Variants in PTPRK observed in about 807,000 individuals in gnomAD.
PTPRK encodes receptor-type tyrosine-protein phosphatase kappa.
PTPRK carries 75 observed loss-of-function variants against 178.0 expected under a neutral mutation model. The observed-to-expected ratio is 0.42, with a 90% CI of 0.35 to 0.51. The LOEUF is 0.51. Among genes scored for constraint, PTPRK ranks in the 20% least tolerant of loss-of-function variants. The probability of loss-of-function intolerance (pLI) is 0.02; values close to 1 mark genes in which losing one functional copy is unlikely to be tolerated. For synonymous variants in PTPRK, 637 were observed against 620.6 expected (o/e 1.03, Z -0.39); for missense variants, 1,441 against 1,797.8 (o/e 0.80, Z 3.59).
intron 7 of PTPRK, among the ~76,000 whole-genome samples, chr6:128,103,754 T>A (rs1334796024): frequency 1.3e-5 from 2 of 152,200 alleles, no homozygotes; most frequent in African/African-American, 4.8e-5. Context: ...TTTTAGCCAT[T>A]ATCACCTGGG....
chr6:128,047,251 T>A (rs936091119), intron 13 of PTPRK, among the ~76,000 whole-genome samples: 12 of 152,308 alleles, frequency 7.9e-5, no homozygotes, highest in African/African-American at 2.9e-4. Context: ...AGCACTGAAG[T>A]CAAAGATTTT....
intron 18 of PTPRK, 88 bp from the exon 19 acceptor site, chr6:127,992,797 G>T: frequency 1.9e-6 from 2 of 1,061,186 alleles, no homozygotes; most frequent in South Asian, 1.5e-5. Flanking sequence ...ACAACCACCT[G>T]TTAAGATTAA....
chr6:128,183,542 T>C (rs1390959748), intron 7 of PTPRK, among the ~76,000 whole-genome samples: 2 of 152,184 alleles, frequency 1.3e-5, no homozygotes, highest in African/African-American at 4.8e-5. Flanking sequence ...CTAAAAAATA[T>C]GTTCTACGAT....
chr6:128,162,333 G>A (rs1798821074), intron 7 of PTPRK, among the ~76,000 whole-genome samples: 1 of 151,216 alleles, frequency 6.6e-6, no homozygotes, highest in South Asian at 2.1e-4. Context: ...ATCTTGTTTT[G>A]TCCTCTGTGT....
intron 3 of PTPRK, among the ~76,000 whole-genome samples, chr6:128,251,044 T>A (rs1816379594): frequency 6.6e-6 from 1 of 152,188 alleles, no homozygotes; most frequent in African/African-American, 2.4e-5. Flanking sequence ...AGTCCACTTC[T>A]AAGAGTCTAA....
intron 13 of PTPRK, among the ~76,000 whole-genome samples, chr6:128,042,188 C>T (rs991122826): frequency 3.0e-4 from 45 of 152,120 alleles, no homozygotes; most frequent in African/African-American, 1.1e-3. Flanking sequence ...CAAGCTTCTG[C>T]CCACTGTCCG....
At chr6:128,030,531 T>C (rs906562325) in intron 13 of PTPRK, among the ~76,000 whole-genome samples, 3 of 152,178 alleles carry the variant, frequency 2.0e-5, no homozygotes, top group African/African-American at 7.2e-5. Context: ...TCCTGTAAGA[T>C]ATGGATATTT....
intron 9 of PTPRK, among the ~76,000 whole-genome samples, chr6:128,083,414 AT>A (rs1785168648): frequency 6.6e-6 from 1 of 152,034 alleles, no homozygotes; most frequent in African/African-American, 2.4e-5. Context: ...GTTTTTTAAT[AT>A]GTGATTATTA....
At chr6:128,487,102 C>A (rs867690696) in intron 1 of PTPRK, among the ~76,000 whole-genome samples, 2 of 147,236 alleles carry the variant, frequency 1.4e-5, no homozygotes, top group Non-Finnish European at 3.0e-5. Context: ...GTTCCTCTCC[C>A]TAATTCTCTT....
At chr6:128,517,468 A>G (rs1585049356) in intron 1 of PTPRK, among the ~76,000 whole-genome samples, 1 of 152,204 alleles carries the variant, frequency 6.6e-6, no homozygotes, top group African/African-American at 2.4e-5. Flanking sequence ...TTATTCTTCT[A>G]TGCCTCGGTT....
At chr6:128,437,078 A>C (rs889528425) in intron 1 of PTPRK, among the ~76,000 whole-genome samples, 1 of 152,154 alleles carries the variant, frequency 6.6e-6, no homozygotes, top group African/African-American at 2.4e-5. Context: ...GAAAAAGTCA[A>C]ATCTGCTGGG....
intron 7 of PTPRK, among the ~76,000 whole-genome samples, chr6:128,177,208 T>C (rs936668875): frequency 6.6e-6 from 1 of 151,766 alleles, no homozygotes; most frequent in Non-Finnish European, 1.5e-5. Context: ...TCTATATCTT[T>C]AAAATTCTAT....
intron 13 of PTPRK, among the ~76,000 whole-genome samples, chr6:128,016,487 C>A (rs1779608059): frequency 6.6e-6 from 1 of 151,846 alleles, no homozygotes; most frequent in African/African-American, 2.4e-5. Context: ...AAGGGAAGGT[C>A]AGAGAGATCT....
At chr6:128,381,398 A>T (rs1837896224) in intron 2 of PTPRK, among the ~76,000 whole-genome samples, 1 of 152,204 alleles carries the variant, frequency 6.6e-6, no homozygotes, top group Non-Finnish European at 1.5e-5. Context: ...GCAATTATAT[A>T]ACAAAGGTGA....
intron 3 of PTPRK, among the ~76,000 whole-genome samples, chr6:128,296,349 A>T (rs1037645903): frequency 6.6e-6 from 1 of 152,174 alleles, no homozygotes; most frequent in African/African-American, 2.4e-5. Flanking sequence ...GCAGGCCAAC[A>T]TTCAGATTCA....
At chr6:128,478,572 T>C (rs1347888903) in intron 1 of PTPRK, among the ~76,000 whole-genome samples, 6 of 152,164 alleles carry the variant, frequency 3.9e-5, no homozygotes, top group African/African-American at 1.4e-4. Context: ...TATGATACTC[T>C]GCCACTCTCG....
intron 5 of PTPRK, among the ~76,000 whole-genome samples, chr6:128,221,250 C>T (rs879907157): frequency 6.6e-6 from 1 of 151,994 alleles, no homozygotes; most frequent in Non-Finnish European, 1.5e-5. Context: ...CCTGGCCAGG[C>T]GCGGTGGCTC....
At chr6:128,129,400 T>C (rs1793868929) in intron 7 of PTPRK, among the ~76,000 whole-genome samples, 1 of 152,212 alleles carries the variant, frequency 6.6e-6, no homozygotes, top group South Asian at 2.1e-4. Context: ...TATTCCATGA[T>C]AGTGCTAGAC....
intron 3 of PTPRK, among the ~76,000 whole-genome samples, chr6:128,303,725 C>T (rs186204097): frequency 6.6e-6 from 1 of 152,280 alleles, no homozygotes; most frequent in African/African-American, 2.4e-5. Context: ...CGTTGCTTAA[C>T]TTTATTCCAT....
Sources: gnomAD v4.1 joint callset for allele counts (sites outside exome capture counted in the v4.1 genomes callset) on GRCh38, gnomAD v4.1.1 for gene constraint, MANE v1.5 for transcripts, NCBI Gene and HGNC (gene_info 2026-07-23, HGNC 2026-07-21) for gene names.